Variants in SLC24A2 observed in about 807,000 individuals in gnomAD.
SLC24A2 encodes solute carrier family 24 member 2.
Under a neutral mutation model 62.0 loss-of-function variants are expected in SLC24A2, and 36 were observed. The observed-to-expected ratio is 0.58, with a 90% CI of 0.44 to 0.77. The LOEUF (loss-of-function observed/expected upper bound fraction) is 0.77. SLC24A2 is among the 30% of genes least tolerant of loss of function. SLC24A2 has a pLI of 0.00. For synonymous variants in SLC24A2, 358 were observed against 294.0 expected, an observed-to-expected ratio of 1.22 and a Z score of -2.23; for missense variants, 846 against 817.9, an observed-to-expected ratio of 1.03 and a Z score of -0.42.
chr9:20,119,518 T>G, the SLC24A2 span, among the ~76,000 whole-genome samples: 1 of 152,092 alleles, frequency 6.6e-6, no homozygotes, highest in Non-Finnish European at 1.5e-5. Flanking sequence ...CATAATCATC[T>G]CAATACCTGC....
At chr9:20,093,106 T>G in the SLC24A2 span, among the ~76,000 whole-genome samples, 1 of 151,774 alleles carries the variant, frequency 6.6e-6, no homozygotes, top group Non-Finnish European at 1.5e-5. Context: ...AGTTTCGATC[T>G]CGTTGCCCAG....
the SLC24A2 span, among the ~76,000 whole-genome samples, chr9:19,906,168 G>A: frequency 6.6e-6 from 1 of 152,182 alleles, no homozygotes; most frequent in Non-Finnish European, 1.5e-5. Flanking sequence ...TCAGGATTAA[G>A]AAACTCAGTC....
chr9:19,629,449 G>C (rs1379602131), intron 2 of SLC24A2, among the ~76,000 whole-genome samples: 1 of 152,208 alleles, frequency 6.6e-6, no homozygotes, highest in East Asian at 1.9e-4. Context: ...TCTGGGAGTA[G>C]AGAAAGTTAC....
chr9:19,858,104 A>G, the SLC24A2 span, among the ~76,000 whole-genome samples: 1 of 152,188 alleles, frequency 6.6e-6, no homozygotes, highest in African/African-American at 2.4e-5. Flanking sequence ...ACTTCCAACT[A>G]TACTACAAGG....
At chr9:19,609,689 C>T (rs1172997679) in intron 4 of SLC24A2, among the ~76,000 whole-genome samples, 1 of 152,032 alleles carries the variant, frequency 6.6e-6, no homozygotes, top group African/African-American at 2.4e-5. Context: ...GTCTTCATTG[C>T]TTTCATGTTT....
chr9:19,639,494 G>T (rs1818440304), intron 2 of SLC24A2, among the ~76,000 whole-genome samples: 1 of 152,176 alleles, frequency 6.6e-6, no homozygotes, highest in Admixed American at 6.5e-5. Context: ...GGGGTGCCCG[G>T]CCAGCTGCCC....
At chr9:20,286,656 A>G in the SLC24A2 span, among the ~76,000 whole-genome samples, 7 of 152,354 alleles carry the variant, frequency 4.6e-5, no homozygotes, top group East Asian at 1.4e-3. Flanking sequence ...AGGCAACAGC[A>G]GTGTTTGCCA....
At chr9:20,126,700 C>A in the SLC24A2 span, among the ~76,000 whole-genome samples, 5,601 of 152,166 alleles carry the variant, frequency 0.037, 333 homozygotes, top group African/African-American at 0.13. Flanking sequence ...CACCACTGAT[C>A]TTTGTGTTTT....
chr9:19,965,646 G>A, the SLC24A2 span, among the ~76,000 whole-genome samples: 1 of 152,168 alleles, frequency 6.6e-6, no homozygotes, highest in East Asian at 1.9e-4. Flanking sequence ...AGTCAAAATA[G>A]CTATGAAAAC....
the SLC24A2 span, among the ~76,000 whole-genome samples, chr9:20,003,917 CT>C: frequency 6.8e-6 from 1 of 147,642 alleles, no homozygotes; most frequent in Non-Finnish European, 1.5e-5. Flanking sequence ...AGGATAAAAA[CT>C]TGTGTGACCA....
the SLC24A2 span, among the ~76,000 whole-genome samples, chr9:20,048,630 G>A: frequency 0.17 from 25,435 of 151,794 alleles, 2,817 homozygotes; most frequent in Middle Eastern, 0.26. Context: ...ATCTGAAACC[G>A]GCACTGAGAC....
intron 2 of SLC24A2, among the ~76,000 whole-genome samples, chr9:19,682,714 T>C (rs1819758730): frequency 6.6e-6 from 1 of 152,190 alleles, no homozygotes; most frequent in Non-Finnish European, 1.5e-5. Flanking sequence ...GGAAATATCA[T>C]GGCATCTTTA....
chr9:20,079,686 G>A, the SLC24A2 span, among the ~76,000 whole-genome samples: 1 of 152,176 alleles, frequency 6.6e-6, no homozygotes, highest in African/African-American at 2.4e-5. Context: ...AATGGAACCT[G>A]TAGCAACTGT....
chr9:19,857,565 C>A, the SLC24A2 span, among the ~76,000 whole-genome samples: 13 of 152,094 alleles, frequency 8.5e-5, no homozygotes, highest in Admixed American at 4.6e-4. Context: ...TTTACAGATA[C>A]AAATTATGCA....
chr9:20,069,518 G>A, the SLC24A2 span, among the ~76,000 whole-genome samples: 145 of 152,246 alleles, frequency 9.5e-4, 1 homozygote, highest in African/African-American at 1.8e-3. Flanking sequence ...TACAATGCAG[G>A]TCAACAAACA....
At chr9:19,671,733 A>G (rs1001480691) in intron 2 of SLC24A2, among the ~76,000 whole-genome samples, 6 of 152,148 alleles carry the variant, frequency 3.9e-5, no homozygotes, top group African/African-American at 1.4e-4. Context: ...CGTCCCTTCT[A>G]TGCCGATTTT....
At chr9:20,136,384 G>A in the SLC24A2 span, among the ~76,000 whole-genome samples, 1 of 152,138 alleles carries the variant, frequency 6.6e-6, no homozygotes, top group South Asian at 2.1e-4. Context: ...AACATGCCCA[G>A]AAGAAAGAAA....
At chr9:19,851,497 G>A in the SLC24A2 span, among the ~76,000 whole-genome samples, 2 of 151,984 alleles carry the variant, frequency 1.3e-5, no homozygotes, top group African/African-American at 4.8e-5. Flanking sequence ...ACTGCTGACA[G>A]GCCCCAGTGT....
At chr9:20,050,911 C>T in the SLC24A2 span, among the ~76,000 whole-genome samples, 1 of 151,958 alleles carries the variant, frequency 6.6e-6, no homozygotes, top group Non-Finnish European at 1.5e-5. Flanking sequence ...GGGTGTATGA[C>T]TTCCAAATTA....
Sources: gnomAD v4.1 joint callset for allele counts (sites outside exome capture counted in the v4.1 genomes callset) on GRCh38, gnomAD v4.1.1 for gene constraint, MANE v1.5 for transcripts, NCBI Gene and HGNC (gene_info 2026-07-23, HGNC 2026-07-21) for gene names.